TEX29: variants seen among roughly 807,000 people sequenced by gnomAD.
TEX29 encodes testis expressed 29.
Under a neutral mutation model 18.2 loss-of-function variants are expected in TEX29, and 26 were observed. That is an observed-to-expected ratio of 1.43 (90% CI 1.04 to 1.98). The LOEUF is 1.98. Ranked by LOEUF, TEX29 falls within the 30% of genes most tolerant of loss-of-function variation. The pLI is 0.00. For missense variants in TEX29, 177 were observed against 194.2 expected (o/e 0.91, Z 0.53); for synonymous variants, 83 against 78.5 (o/e 1.06, Z -0.31).
At chr13:111,322,289 G>A (rs1016906129) in intron 2 of TEX29, among the ~76,000 whole-genome samples, 3 of 123,802 alleles carry the variant, frequency 2.4e-5, no homozygotes, top group Admixed American at 8.2e-5. Context: ...CCTGCGCCTG[G>A]GGCCCCGAGG....
intron 2 of TEX29, among the ~76,000 whole-genome samples, chr13:111,323,669 C>T (rs1405087041): frequency 1.3e-5 from 2 of 151,550 alleles, no homozygotes; most frequent in South Asian, 2.1e-4. Context: ...GATCCCCATC[C>T]GTGGTTCACA....
chr13:111,335,225 A>G (rs1330708409), intron 3 of TEX29, among the ~76,000 whole-genome samples: 1 of 152,244 alleles, frequency 6.6e-6, no homozygotes, highest in Non-Finnish European at 1.5e-5. Flanking sequence ...CCGGTTGTAC[A>G]TAATCAGTTA....
intron 2 of TEX29, 42 bp downstream of exon 2, chr13:111,320,990 G>GGGGGGGGGGCCCCCCC: frequency 2.5e-6 from 1 of 404,332 alleles, no homozygotes; most frequent in Non-Finnish European, 4.5e-6. Context: ...GGGTGGGGGA[G>GGGGGGGGGGCCCCCCC]CAGTTGGGGG....
chr13:111,328,320 G>A (rs2093677501), intron 3 of TEX29, 27 bp downstream of exon 3: 3 of 1,550,296 alleles, frequency 1.9e-6, no homozygotes, highest in Admixed American at 3.3e-5. Context: ...GCCACCCCGT[G>A]GCGGAAGCCG....
chr13:111,320,991 CAGTTGGGGGGGG>C, intron 2 of TEX29, 43 bp downstream of exon 2: 2 of 516,744 alleles, frequency 3.9e-6, no homozygotes, highest in African/African-American at 3.8e-5. Flanking sequence ...GGTGGGGGAG[CAGTTGGGGGGGG>C]GCACAGGGAG....
intron 2 of TEX29, among the ~76,000 whole-genome samples, chr13:111,322,727 G>A (rs1396349150): frequency 2.0e-5 from 3 of 152,246 alleles, no homozygotes; most frequent in East Asian, 1.9e-4. Context: ...ACTGAAGAAC[G>A]CATGCAGGGG....
chr13:111,324,718 C>G (rs1198809377), intron 2 of TEX29, among the ~76,000 whole-genome samples: 1 of 152,208 alleles, frequency 6.6e-6, no homozygotes, highest in Admixed American at 6.5e-5. Flanking sequence ...GATCATCAGC[C>G]ACGTTTAAAA....
intron 3 of TEX29, among the ~76,000 whole-genome samples, chr13:111,332,520 G>A (rs770828642): frequency 1.3e-5 from 2 of 151,570 alleles, no homozygotes; most frequent in Admixed American, 1.3e-4. Context: ...ATGCCTTTTA[G>A]TTCATTTTCT....
chr13:111,339,148 C>T (rs977447194), intron 3 of TEX29: 15 of 418,942 alleles, frequency 3.6e-5, no homozygotes, highest in Admixed American at 1.7e-4. Flanking sequence ...GGCTGCCCCT[C>T]GTGGCCACCT....
intron 3 of TEX29, among the ~76,000 whole-genome samples, chr13:111,332,533 C>A (rs2093684212): frequency 6.6e-6 from 1 of 151,612 alleles, no homozygotes; most frequent in Admixed American, 6.6e-5. Flanking sequence ...CATTTTCTTG[C>A]CTAGTTTCTG....
rs114774846 is a variant in TEX29, at chr13:111,321,115, G to A, written c.58+167G>A. Among the ~76,000 whole-genome samples, 972 of 152,258 alleles carry A rather than the reference G, an allele frequency of 6.4e-3. 6 individuals carry two copies. Among genetic ancestry groups the A allele is most frequent in the African/African-American group, 0.021 (881 of 41,540 alleles). ...TGTTCAGGAAATAACCTGGGAAAACGCTGTGAAGACTTCATTTTTGAAAAT... is the reference window on the plus strand; with the variant it reads ...TGTTCAGGAAATAACCTGGGAAAACACTGTGAAGACTTCATTTTTGAAAAT... On this transcript the variant is annotated intron_variant, in intron 2 of 5. Coordinates refer to ENST00000283547, the MANE Select transcript of TEX29 (RefSeq NM_152324.3).
intron 3 of TEX29, among the ~76,000 whole-genome samples, chr13:111,335,857 G>T (rs569169279): frequency 6.6e-6 from 1 of 152,296 alleles, no homozygotes; most frequent in African/African-American, 2.4e-5. Context: ...GGGAACTCAC[G>T]TCCAAGCTGC....
At chr13:111,318,746 C>A (rs776491131), upstream of TEX29, among the ~76,000 whole-genome samples, 1 of 152,188 alleles carries the variant, frequency 6.6e-6, no homozygotes, top group African/African-American at 2.4e-5. Flanking sequence ...GGAGCCTGCA[C>A]GCAATGCTGG....
At chr13:111,320,098 T>C (rs2093661352), upstream of TEX29, among the ~76,000 whole-genome samples, 1 of 152,182 alleles carries the variant, frequency 6.6e-6, no homozygotes, top group South Asian at 2.1e-4. Context: ...GACCTCTGCA[T>C]GCTCCCTCGT....
intron 3 of TEX29, among the ~76,000 whole-genome samples, chr13:111,333,567 A>G (rs779390199): frequency 6.6e-6 from 1 of 152,216 alleles, no homozygotes; most frequent in Non-Finnish European, 1.5e-5. Context: ...GGTCTTAATA[A>G]TGTCTATATT....
chr13:111,331,615 C>A (rs1415649251), intron 3 of TEX29, among the ~76,000 whole-genome samples: 1 of 152,086 alleles, frequency 6.6e-6, no homozygotes, highest in East Asian at 1.9e-4. Flanking sequence ...GGTGTCACAT[C>A]TAAGAAACCA....
intron 3 of TEX29, 134 bp downstream of exon 3, chr13:111,328,427 T>G (rs1345812837): frequency 1.5e-5 from 10 of 656,266 alleles, no homozygotes; most frequent in Non-Finnish European, 2.4e-5. Flanking sequence ...TCTGGCCAAC[T>G]CTTCTGCTCC....
At chr13:111,338,881 G>A in intron 3 of TEX29, among the ~76,000 whole-genome samples, 1 of 152,244 alleles carries the variant, frequency 6.6e-6, no homozygotes, top group East Asian at 1.9e-4. Flanking sequence ...TGAGAGGAAT[G>A]ATGCTCGTGT....
chr13:111,332,977 T>C (rs1042103392), intron 3 of TEX29, among the ~76,000 whole-genome samples: 7 of 152,248 alleles, frequency 4.6e-5, no homozygotes, highest in African/African-American at 1.7e-4. Context: ...TAATTTACCC[T>C]TCAATTTTGA....
Sources: allele counts gnomAD v4.1 joint callset (sites outside exome capture counted in the v4.1 genomes callset), GRCh38; gene constraint gnomAD v4.1.1; transcripts MANE v1.5; gene names NCBI Gene and HGNC (gene_info 2026-07-23, HGNC 2026-07-21).